The following PAK5 variants were observed in gnomAD, a reference collection of about 807,000 sequenced individuals.
The protein encoded by PAK5 is serine/threonine-protein kinase PAK 5.
Under a neutral mutation model 65.9 loss-of-function variants are expected in PAK5, and 16 were observed. The observed-to-expected ratio is 0.24, with a 90% confidence interval of 0.16 to 0.37. The LOEUF (loss-of-function observed/expected upper bound fraction) is 0.37. Ranked by LOEUF, PAK5 falls within the 10% of genes least tolerant of loss-of-function variation. PAK5 has a pLI of 1.00. For missense variants in PAK5, 785 were observed against 903.9 expected, an observed-to-expected ratio of 0.87 and a Z score of 1.69; for synonymous variants, 371 against 354.9, an observed-to-expected ratio of 1.05 and a Z score of -0.51.
At chr20:9,577,073 G>A (rs2045896776) in intron 4 of PAK5, among the ~76,000 whole-genome samples, 1 of 152,220 alleles carries the variant, frequency 6.6e-6, no homozygotes, top group Non-Finnish European at 1.5e-5. Flanking sequence ...TTTGTCTGCA[G>A]GCGAGGGTGG....
chr20:9,599,550 T>A (rs1020682356), intron 3 of PAK5, among the ~76,000 whole-genome samples: 1 of 152,206 alleles, frequency 6.6e-6, no homozygotes, highest in African/African-American at 2.4e-5. Context: ...ATCATAGCCA[T>A]CCTAATGGGT....
At position 9,644,303 on chromosome 20, in the gene PAK5, A is replaced by C; in HGVS notation, c.26T>G (p.Ile9Ser). 1 of 1,609,988 alleles carries C rather than the reference A, an allele frequency of 6.2e-7. No homozygotes were observed. Among genetic ancestry groups the C allele is most frequent in the Non-Finnish European group, 8.5e-7 (1 of 1,178,860 alleles). MFGKKKKK[I>S]EISGPSNFEH... ...AAAGTTGGACGGGCCAGATATTTCA[A>C]TCTTTTTCTTTTTCTTCCCAAACAT... Residue 9 changes from isoleucine (I) to serine (S), a missense_variant, in exon 3 of 10, where the codon ATT becomes AGT. Around this residue, in one of 4 missense-constraint regions of PAK5, gnomAD observed 71 missense variants for 110.2 expected, o/e 0.64. Transcript: ENST00000353224.
chr20:9,580,082 G>T, intron 4 of PAK5, 63 bp downstream of exon 4: 1 of 1,381,756 alleles, frequency 7.2e-7, no homozygotes, highest in Non-Finnish European at 9.9e-7. Flanking sequence ...TAAAAAGGTC[G>T]TGCCAGCACC....
intron 7 of PAK5, among the ~76,000 whole-genome samples, chr20:9,549,602 G>C (rs138580854): frequency 6.6e-6 from 1 of 152,100 alleles, no homozygotes; most frequent in Non-Finnish European, 1.5e-5. Context: ...GCCATACCCC[G>C]TGTGAAAGGA....
intron 1 of PAK5, among the ~76,000 whole-genome samples, chr20:9,832,770 G>C (rs149090106): frequency 6.4e-4 from 97 of 152,244 alleles, no homozygotes; most frequent in African/African-American, 2.3e-3. Context: ...GTGATTAATA[G>C]TAATAACATT....
chr20:9,783,060 G>A (rs2048958640), intron 1 of PAK5, among the ~76,000 whole-genome samples: 1 of 151,832 alleles, frequency 6.6e-6, no homozygotes, highest in African/African-American at 2.4e-5. Context: ...CTCCCAAGTA[G>A]CTAGGATTAC....
At chr20:9,714,415 T>A (rs2048116663) in intron 1 of PAK5, among the ~76,000 whole-genome samples, 1 of 152,176 alleles carries the variant, frequency 6.6e-6, no homozygotes, top group Non-Finnish European at 1.5e-5. Context: ...TTGTATTTTC[T>A]GTAAAAATGC....
chr20:9,684,892 C>A (rs895212398), intron 2 of PAK5, among the ~76,000 whole-genome samples: 4 of 152,128 alleles, frequency 2.6e-5, no homozygotes, highest in African/African-American at 9.7e-5. Context: ...CCTGCCTTGG[C>A]AAATGTCCTT....
intron 1 of PAK5, among the ~76,000 whole-genome samples, chr20:9,788,193 C>T (rs1423463401): frequency 6.6e-6 from 1 of 152,030 alleles, no homozygotes; most frequent in Non-Finnish European, 1.5e-5. Flanking sequence ...AAATCCTAGA[C>T]ACATTAAACT....
rs199523446 is a variant in PAK5, at chr20:9,590,140, T to TA, written c.205-9211dup. ...GCATGTGCCAAAATGCCTGGCTAAT[T>TA]AAAAAAAAAATGTAGAGAGGAGGTC... On this transcript the variant is annotated intron_variant, in intron 3 of 9. Coordinates refer to ENST00000353224, the MANE Select transcript of PAK5 (RefSeq NM_177990.4). Among the ~76,000 whole-genome samples, 199 of 148,900 alleles carry TA rather than the reference T, an allele frequency of 1.3e-3. 2 individuals are homozygous for TA. Among genetic ancestry groups the TA allele is most frequent in the African/African-American group, 3.5e-3 (143 of 40,662 alleles).
In PAK5 at chr20:9,559,075, A is replaced by G. The variant is rs186553179; in HGVS notation, c.1617-1341T>C. Among the ~76,000 whole-genome samples the G allele has an allele frequency of 2.0e-4, 30 of 152,326 alleles. No individual in the cohort carries two copies. The East Asian group carries it at 4.6e-3, about 24-fold the overall frequency. The stretch of plus-strand genomic sequence containing the variant: ...ATTTTCCTAATGAGTGAAATAGTTC[A>G]GCCACAGAGGAATCTAGGTGAGAAT... On this transcript the variant is annotated intron_variant, in intron 6 of 9. Transcript: ENST00000353224.
chr20:9,802,910 G>GTGTGTATATATATATATATATATA (rs142279832), intron 1 of PAK5, among the ~76,000 whole-genome samples: 3,895 of 46,008 alleles, frequency 0.085, 510 homozygotes, highest in Admixed American at 0.11. Context: ...ATATGTATGT[G>GTGTGTATATATATATATATATATA]TATATATATA....
chr20:9,664,874 G>T (rs2047392654), intron 2 of PAK5, among the ~76,000 whole-genome samples: 1 of 151,932 alleles, frequency 6.6e-6, no homozygotes, highest in Admixed American at 6.6e-5. Flanking sequence ...CTAAAAAAAA[G>T]AATCCCTCAA....
chr20:9,638,075 AG>A (rs2047004057), intron 3 of PAK5, among the ~76,000 whole-genome samples: 1 of 152,192 alleles, frequency 6.6e-6, no homozygotes, highest in Admixed American at 6.5e-5. Flanking sequence ...CAGAATACCT[AG>A]GGTGGGGCTT....
intron 1 of PAK5, among the ~76,000 whole-genome samples, chr20:9,718,812 G>A (rs942081938): frequency 6.6e-6 from 1 of 151,978 alleles, no homozygotes; most frequent in Non-Finnish European, 1.5e-5. Flanking sequence ...TTTATAACAC[G>A]GATAATTTTA....
At chr20:9,837,201 G>T (rs542920913) in intron 1 of PAK5, among the ~76,000 whole-genome samples, 2 of 152,306 alleles carry the variant, frequency 1.3e-5, no homozygotes, top group East Asian at 3.9e-4. Context: ...GGCTTATATT[G>T]CTTCCATTTA....
At chr20:9,742,223 G>A (rs946357133) in intron 1 of PAK5, among the ~76,000 whole-genome samples, 2 of 151,940 alleles carry the variant, frequency 1.3e-5, no homozygotes, top group African/African-American at 4.8e-5. Context: ...ACAGACAGAT[G>A]GCACTGTAAA....
At chr20:9,541,379 G>A (rs1017395148) in intron 9 of PAK5, among the ~76,000 whole-genome samples, 3 of 152,074 alleles carry the variant, frequency 2.0e-5, no homozygotes, top group Admixed American at 6.5e-5. Context: ...TTCTGAGCTC[G>A]TCCTAATTGG....
At chr20:9,792,442 G>C (rs936827534) in intron 1 of PAK5, among the ~76,000 whole-genome samples, 1 of 152,130 alleles carries the variant, frequency 6.6e-6, no homozygotes, top group Non-Finnish European at 1.5e-5. Flanking sequence ...GTGCTTTTCA[G>C]AAGTGCTGTT....
Sources: gnomAD v4.1 joint callset for allele counts (sites outside exome capture counted in the v4.1 genomes callset) on GRCh38, gnomAD v4.1.1 for gene constraint, gnomAD v4.1.1 regional missense constraint, MANE v1.5 for transcripts, NCBI Gene and HGNC (gene_info 2026-07-23, HGNC 2026-07-21) for gene names.